Variants in KIFC3 observed in about 807,000 individuals in gnomAD.
KIFC3 encodes the protein kinesin-like protein KIFC3.
A neutral mutation model predicts 101.8 loss-of-function variants in KIFC3; 60 were observed. The observed-to-expected ratio is 0.59, with a 90% CI of 0.48 to 0.73. The LOEUF is 0.73. KIFC3 is among the 30% of genes least tolerant of loss of function. The pLI is 0.00. For missense variants in KIFC3, 966 were observed against 1,137.1 expected, an observed-to-expected ratio of 0.85 and a Z score of 2.16; for synonymous variants, 476 against 482.7, an observed-to-expected ratio of 0.99 and a Z score of 0.18.
chr16:57,826,406 C>A (rs782303532), intron 1 of KIFC3, among the ~76,000 whole-genome samples: 4 of 152,098 alleles, frequency 2.6e-5, no homozygotes, highest in Admixed American at 6.5e-5. Flanking sequence ...GCCCTTATAC[C>A]TAGATCTTTT....
chr16:57,814,660 C>CT (rs1195912997), intron 1 of KIFC3, among the ~76,000 whole-genome samples: 1 of 151,890 alleles, frequency 6.6e-6, no homozygotes, highest in Non-Finnish European at 1.5e-5. Context: ...GACAAATGCT[C>CT]TGTCACCCAG....
At chr16:57,783,575 C>G (rs909084141) in intron 3 of KIFC3, among the ~76,000 whole-genome samples, 1 of 150,566 alleles carries the variant, frequency 6.6e-6, no homozygotes, top group Non-Finnish European at 1.5e-5. Context: ...CGGGTTCAAG[C>G]AATTCTCCTG....
At chr16:57,797,879 G>C in intron 2 of KIFC3, 193 bp downstream of exon 2, 1 of 1,464,960 alleles carries the variant, frequency 6.8e-7, no homozygotes, top group South Asian at 1.4e-5. Flanking sequence ...TTTCCAGACA[G>C]GGGCGCAGGG....
At chr16:57,802,854 C>A, upstream of KIFC3, 1 of 1,064,762 alleles carries the variant, frequency 9.4e-7, no homozygotes, top group Non-Finnish European at 1.4e-6. This position sits in a 1 kb window ranked among gnomAD's most constrained non-coding sequence, Gnocchi z 5.0. Context: ...CAGCCTCAAA[C>A]CCGAGTGCAA....
intron 1 of KIFC3, among the ~76,000 whole-genome samples, chr16:57,859,955 G>A (rs948551778): frequency 3.3e-5 from 5 of 151,112 alleles, no homozygotes; most frequent in Non-Finnish European, 7.4e-5. Context: ...CCAGGAGGCA[G>A]AGGTTACAGA....
intron 3 of KIFC3, chr16:57,776,408 C>T: frequency 1.0e-6 from 1 of 984,672 alleles, no homozygotes; most frequent in Non-Finnish European, 1.2e-6. Context: ...CCTTCCGCCA[C>T]TGATGGGCAG....
At chr16:57,765,387 G>T in intron 11 of KIFC3, 72 bp downstream of exon 11, 1 of 1,437,616 alleles carries the variant, frequency 7.0e-7, no homozygotes. Context: ...CCTGCCCAGC[G>T]CCCCCGCTCC....
At chr16:57,860,517 A>T (rs558378143) in intron 1 of KIFC3, among the ~76,000 whole-genome samples, 4 of 152,186 alleles carry the variant, frequency 2.6e-5, no homozygotes, top group African/African-American at 9.6e-5. Context: ...ACATATGTTC[A>T]TTCATTACCA....
chr16:57,761,586 G>A, intron 13 of KIFC3, 50 bp from the exon 14 acceptor site: 1 of 1,593,632 alleles, frequency 6.3e-7, no homozygotes, highest in Non-Finnish European at 8.5e-7. Context: ...TCCAGCTGCT[G>A]TTTGCACTGC....
At chr16:57,833,866 C>CTTT (rs201843937) in intron 1 of KIFC3, among the ~76,000 whole-genome samples, 10 of 111,294 alleles carry the variant, frequency 9.0e-5, no homozygotes, top group Non-Finnish European at 1.0e-4. Context: ...AATGCAGTTG[C>CTTT]TTTTTTTTTT....
upstream of KIFC3, among the ~76,000 whole-genome samples, chr16:57,807,307 A>G (rs1029330035): frequency 2.0e-5 from 3 of 151,922 alleles, no homozygotes; most frequent in Non-Finnish European, 2.9e-5. Context: ...TTTGGTTTCC[A>G]GCTTTGCATG....
At chr16:57,853,329 G>T (rs2056096509) in intron 1 of KIFC3, among the ~76,000 whole-genome samples, 1 of 152,024 alleles carries the variant, frequency 6.6e-6, no homozygotes, top group Non-Finnish European at 1.5e-5. Flanking sequence ...TGGGGCAGGA[G>T]AATCACTTGA....
rs1272832015 is a variant in KIFC3 at position 57,852,614 on chromosome 16, A to T, written c.108+10115T>A. Among the ~76,000 whole-genome samples, 3 of 152,156 alleles carry T rather than the reference A, an allele frequency of 2.0e-5. No individual in the cohort carries two copies. The East Asian group carries it at 5.8e-4, about 29-fold the overall frequency. On this transcript the variant is annotated intron_variant, in intron 1 of 2. Coordinates refer to the KIFC3 transcript ENST00000563028. ...ATTTTTACTTTTTAAATCCTTTACAATCATTTCATTTGGGTTCAGGAAGGG... is the reference window on the plus strand; with the variant it reads ...ATTTTTACTTTTTAAATCCTTTACATTCATTTCATTTGGGTTCAGGAAGGG...
chr16:57,804,905 ATTT>A (rs147019735), upstream of KIFC3, among the ~76,000 whole-genome samples: 334 of 133,828 alleles, frequency 2.5e-3, 1 homozygote, highest in Middle Eastern at 7.2e-3. Flanking sequence ...GCCTGACTCA[ATTT>A]TTTTTTTTTT....
At position 57,839,481 on chromosome 16, in the gene KIFC3, G is replaced by A. The variant is rs369403559; in HGVS notation, c.108+23248C>T. On this transcript the variant is annotated intron_variant, in intron 1 of 2. Coordinates refer to the KIFC3 transcript ENST00000563028. Reference sequence around the variant, plus strand: ...CTTGGGATTGGGAGGTGGAGGCTACGGTGAGCCATGATCATCCCACTGCAC... The same window carrying A: ...CTTGGGATTGGGAGGTGGAGGCTACAGTGAGCCATGATCATCCCACTGCAC... Among the ~76,000 whole-genome samples, 16 of 151,884 alleles carry A rather than the reference G, an allele frequency of 1.1e-4. No homozygotes were observed. The East Asian group carries it at 2.5e-3, about 24-fold the overall frequency.
upstream of KIFC3, among the ~76,000 whole-genome samples, chr16:57,805,092 A>G (rs1286029882): frequency 2.6e-5 from 4 of 151,994 alleles, no homozygotes; most frequent in Non-Finnish European, 5.9e-5. Flanking sequence ...CGGCCTCCCA[A>G]AATGTTGGGA....
intron 1 of KIFC3, among the ~76,000 whole-genome samples, chr16:57,832,612 G>A (rs2055606491): frequency 6.6e-6 from 1 of 152,014 alleles, no homozygotes; most frequent in Admixed American, 6.6e-5. Context: ...ACCGCGCCTG[G>A]CCGCAAGGTG....
At position 57,774,796 on chromosome 16, in the gene KIFC3, G is replaced by C. The variant is rs938548454; in HGVS notation, c.316-2508C>G. ...CCCGCCTCAGCCTCCCAAAGTGCTG[G>C]GATTACCGTTGTGAGCCCCTGCGCC... On this transcript the variant is annotated intron_variant, in intron 3 of 19. Coordinates refer to ENST00000445690, the MANE Select transcript of KIFC3 (RefSeq NM_001130100.2). 1.0e-5 allele frequency: 11 copies of C among 1,072,788 alleles called. No homozygotes were observed. In the Admixed American group the frequency reaches 1.5e-4, roughly 15 times the overall value. 66.5% of individuals were successfully genotyped at this position (1,072,788 alleles called of 1,614,324 possible).
intron 1 of KIFC3, among the ~76,000 whole-genome samples, chr16:57,800,555 G>C (rs533802722): frequency 2.6e-5 from 4 of 152,204 alleles, no homozygotes; most frequent in Non-Finnish European, 5.9e-5. Context: ...GCAGGGCATT[G>C]GAGGCTGACT....
Sources: gnomAD v4.1 joint callset for allele counts (sites outside exome capture counted in the v4.1 genomes callset) on GRCh38, gnomAD v4.1.1 for gene constraint, Gnocchi (gnomAD v3.1) non-coding constraint, MANE v1.5 for transcripts, NCBI Gene and HGNC (gene_info 2026-07-23, HGNC 2026-07-21) for gene names.